Variants in RARB observed in about 807,000 individuals in gnomAD.
The protein encoded by RARB is retinoic acid receptor beta.
A neutral mutation model predicts 51.9 loss-of-function variants in RARB; 17 were observed. The ratio of observed to expected loss-of-function variants is 0.33; its 90% CI spans 0.22 to 0.49. RARB has a LOEUF of 0.49. Among genes scored for constraint, RARB ranks in the 20% least tolerant of loss-of-function variants. The probability of loss-of-function intolerance (pLI) is 0.99; values close to 1 mark genes in which losing one functional copy is unlikely to be tolerated. For synonymous variants in RARB, 215 were observed against 195.4 expected, an observed-to-expected ratio of 1.10 and a Z score of -0.84; for missense variants, 369 against 550.8, an observed-to-expected ratio of 0.67 and a Z score of 3.30.
intron 2 of RARB, among the ~76,000 whole-genome samples, chr3:24,875,971 G>A (rs954795926): frequency 7.9e-5 from 12 of 151,998 alleles, no homozygotes; most frequent in South Asian, 2.1e-4. Context: ...TGGTTTGTTG[G>A]ACTCCTCTGC....
Position 25,142,743 on chromosome 3 carries a change from G to A in RARB, c.-280+10535G>A, listed in dbSNP as rs373114192. On this transcript the variant is annotated intron_variant, in intron 4 of 11. Coordinates refer to the RARB transcript ENST00000383772. ...AATGCTGCCTCCCAGAAAGCCTCCA[G>A]AAACCAAGAGCAGAGCAGTCAGCAA... is the stretch of plus-strand genomic sequence containing the variant. Among the ~76,000 whole-genome samples, 46 of 152,234 alleles carry A rather than the reference G, an allele frequency of 3.0e-4. No homozygotes were observed. The East Asian group carries it at 8.1e-3, about 27-fold the overall frequency.
At chr3:25,048,846 C>T (rs1698269522) in intron 2 of RARB, among the ~76,000 whole-genome samples, 1 of 151,128 alleles carries the variant, frequency 6.6e-6, no homozygotes, top group Non-Finnish European at 1.5e-5. Flanking sequence ...AGCTCCGCCT[C>T]CCGGGTTCTC....
chr3:25,007,613 C>T (rs745533739), intron 2 of RARB, among the ~76,000 whole-genome samples: 26 of 59,962 alleles, frequency 4.3e-4, no homozygotes, highest in Non-Finnish European at 3.5e-4. Context: ...AACAAAAAAA[C>T]CTCATATTTT....
intron 2 of RARB, among the ~76,000 whole-genome samples, chr3:25,024,679 C>A (rs184427816): frequency 6.6e-6 from 1 of 152,050 alleles, no homozygotes; most frequent in African/African-American, 2.4e-5. Flanking sequence ...GAGCTGGGCA[C>A]GGTGGCTCAT....
chr3:24,891,949 G>A (rs1014370097), intron 2 of RARB, among the ~76,000 whole-genome samples: 2 of 152,126 alleles, frequency 1.3e-5, no homozygotes, highest in African/African-American at 4.8e-5. Flanking sequence ...GGGGGACAGT[G>A]GTTGAGAATT....
chr3:25,159,531 ATGAC>A (rs1196872371), intron 4 of RARB, among the ~76,000 whole-genome samples: 3 of 152,076 alleles, frequency 2.0e-5, no homozygotes, highest in African/African-American at 7.2e-5. Context: ...GCCACATACT[ATGAC>A]TGTCTGGAAG....
At chr3:24,856,474 T>C (rs138640481) in intron 1 of RARB, among the ~76,000 whole-genome samples, 1 of 152,324 alleles carries the variant, frequency 6.6e-6, no homozygotes, top group East Asian at 1.9e-4. Flanking sequence ...AGATTCCTTA[T>C]ACTGTACCTG....
chr3:25,136,351 T>G (rs1276410997), intron 4 of RARB, among the ~76,000 whole-genome samples: 1 of 151,992 alleles, frequency 6.6e-6, no homozygotes, highest in Non-Finnish European at 1.5e-5. Context: ...ATTAAAAAAA[T>G]TCCAACCATT....
chr3:25,246,465 C>G (rs994120030), intron 5 of RARB, among the ~76,000 whole-genome samples: 1 of 152,110 alleles, frequency 6.6e-6, no homozygotes, highest in African/African-American at 2.4e-5. Flanking sequence ...GATTTACCTA[C>G]CTTTGGTCTT....
intron 2 of RARB, among the ~76,000 whole-genome samples, chr3:24,960,577 G>A (rs1438076424): frequency 1.3e-5 from 2 of 152,158 alleles, no homozygotes; most frequent in African/African-American, 4.8e-5. Context: ...GTGGAAAGTG[G>A]AAAATTGTGA....
At chr3:25,163,504 A>AAAAAAAAAAAATATATATATATATATAT (rs1303712411) in intron 4 of RARB, among the ~76,000 whole-genome samples, 1 of 131,094 alleles carries the variant, frequency 7.6e-6, no homozygotes, top group African/African-American at 3.2e-5. Context: ...CCTATCTCAA[A>AAAAAAAAAAAATATATATATATATATAT]ATATATATAT....
At chr3:24,857,303 T>A (rs1190431790) in intron 1 of RARB, among the ~76,000 whole-genome samples, 1 of 152,208 alleles carries the variant, frequency 6.6e-6, no homozygotes, top group African/African-American at 2.4e-5. Context: ...TTTAAGTATT[T>A]CTGTCTTCCA....
At chr3:25,537,860 G>A (rs1435931927) in intron 3 of RARB, among the ~76,000 whole-genome samples, 1 of 152,098 alleles carries the variant, frequency 6.6e-6, no homozygotes, top group Non-Finnish European at 1.5e-5. Context: ...CTCACAGACA[G>A]ACCCCAAAAT....
intron 4 of RARB, among the ~76,000 whole-genome samples, chr3:25,576,440 A>T (rs938726932): frequency 3.3e-5 from 5 of 152,106 alleles, no homozygotes; most frequent in Non-Finnish European, 7.3e-5. Context: ...GACATCCTCT[A>T]GGGCCTTGGA....
chr3:24,943,697 T>C lies in RARB; in HGVS notation c.-380+84945T>C, dbSNP rs1404800955. Among the ~76,000 whole-genome samples the C allele has an allele frequency of 5.3e-5, 8 of 152,220 alleles. No homozygotes were observed. The South Asian group carries it at 1.7e-3, about 32-fold the overall frequency. On this transcript the variant is annotated intron_variant, in intron 2 of 11. Coordinates refer to the RARB transcript ENST00000383772. Reference sequence around the variant, plus strand: ...ACTGATGGAATATTGTGTCAGAATATTTTAAGGTGCCATTTTCCTGCAAAT... The same window carrying C: ...ACTGATGGAATATTGTGTCAGAATACTTTAAGGTGCCATTTTCCTGCAAAT...
At chr3:24,854,415 T>C (rs1157795101) in intron 1 of RARB, among the ~76,000 whole-genome samples, 4 of 152,206 alleles carry the variant, frequency 2.6e-5, no homozygotes, top group Admixed American at 2.0e-4. Context: ...CCACATTCTA[T>C]TGCTGGGGAA....
intron 3 of RARB, among the ~76,000 whole-genome samples, chr3:25,103,318 G>A (rs887111123): frequency 7.2e-5 from 11 of 152,134 alleles, no homozygotes; most frequent in East Asian, 1.9e-4. Flanking sequence ...GATATGCACC[G>A]TTGTAAGTGA....
intron 3 of RARB, among the ~76,000 whole-genome samples, chr3:25,545,459 A>G (rs923348872): frequency 6.6e-6 from 1 of 151,910 alleles, no homozygotes; most frequent in South Asian, 2.1e-4. Flanking sequence ...GCTGCAGGAG[A>G]ACCTAGACTT....
Position 25,092,509 on chromosome 3 carries a change from C to T in RARB, c.-328+32333C>T, listed in dbSNP as rs558468485. On this transcript the variant is annotated intron_variant, in intron 3 of 11. Transcript: ENST00000383772. ...TTTTTACTATTGTTCCTAATACTAC[C>T]TTTCATGGTGTGCCTGTAAAGTATA... Among the ~76,000 whole-genome samples, 11 of 152,122 alleles carry T rather than the reference C, an allele frequency of 7.2e-5. No homozygotes were observed. In the Middle Eastern group the frequency reaches 0.01, roughly 141 times the overall value.
Sources: allele counts gnomAD v4.1 joint callset (sites outside exome capture counted in the v4.1 genomes callset), GRCh38; gene constraint gnomAD v4.1.1; transcripts MANE v1.5; gene names NCBI Gene and HGNC (gene_info 2026-07-23, HGNC 2026-07-21).